Variants in NIPBL observed in about 807,000 individuals in gnomAD.
NIPBL encodes the protein NIPBL cohesin loading factor.
A neutral mutation model predicts 321.8 loss-of-function variants in NIPBL; 19 were observed. The ratio of observed to expected loss-of-function variants is 0.06; its 90% confidence interval spans 0.04 to 0.09. The LOEUF (loss-of-function observed/expected upper bound fraction) is 0.09, where lower values mean the gene tolerates loss of function less well. Among genes scored for constraint, NIPBL ranks in the 10% least tolerant of loss-of-function variants. The pLI is 1.00. For synonymous variants in NIPBL, 1,106 were observed against 1,114.1 expected (o/e 0.99, Z 0.14); for missense variants, 2,210 against 3,327.0 (o/e 0.66, Z 8.26).
chr5:37,005,374 T>C (rs1747309025), intron 16 of NIPBL, among the ~76,000 whole-genome samples: 1 of 152,166 alleles, frequency 6.6e-6, no homozygotes. Flanking sequence ...GAAATTGTGA[T>C]AATCATCATC....
At chr5:37,028,011 G>GA (rs1750506905) in intron 32 of NIPBL, among the ~76,000 whole-genome samples, 1 of 151,820 alleles carries the variant, frequency 6.6e-6, no homozygotes, top group Admixed American at 6.6e-5. Flanking sequence ...TTTAATCTCT[G>GA]TGATTAATAG....
chr5:36,895,729 A>T (rs1746681700), intron 1 of NIPBL, among the ~76,000 whole-genome samples: 1 of 152,114 alleles, frequency 6.6e-6, no homozygotes, highest in Admixed American at 6.5e-5. Context: ...ACACCTTTTT[A>T]TGTGCTTATT....
intron 17 of NIPBL, 54 bp downstream of exon 17, chr5:37,006,642 C>A: frequency 8.9e-7 from 1 of 1,122,146 alleles, no homozygotes; most frequent in South Asian, 1.4e-5. Context: ...TTAGATGAGT[C>A]AAAATAGGAC....
intron 1 of NIPBL, among the ~76,000 whole-genome samples, chr5:36,935,958 C>T (rs1738373239): frequency 6.6e-6 from 1 of 152,086 alleles, no homozygotes; most frequent in Admixed American, 6.6e-5. Flanking sequence ...TAGGGACCAT[C>T]CAAAATGATC....
Position 37,048,584 on chromosome 5 carries a change from C to G in NIPBL, c.6672C>G (p.Asn2224Lys). Residue 2224 changes from asparagine (N) to lysine (K), a missense_variant, in exon 39 of 47, where the codon AAC becomes AAG. Around this residue, in one of 14 missense-constraint regions of NIPBL, gnomAD observed 40 missense variants for 55.3 expected, o/e 0.72. Coordinates refer to ENST00000282516, the MANE Select transcript of NIPBL (RefSeq NM_133433.4). Reference sequence around the variant, plus strand: ...ATAATAATATTTTATCTGATAAGAACTCCTCAGTCAATTTAAAAATACAAG... The same window carrying G: ...ATAATAATATTTTATCTGATAAGAAGTCCTCAGTCAATTTAAAAATACAAG... ...NLYNNILSDK[N>K]SSVNLKIQVL... The G allele has an allele frequency of 6.3e-7, 1 of 1,596,936 alleles. No individual in the cohort carries two copies. The highest frequency in any genetic ancestry group is 8.6e-7 in the Non-Finnish European group (1 of 1,167,416).
At chr5:37,025,648 A>T (rs1249335126) in intron 30 of NIPBL, among the ~76,000 whole-genome samples, 1 of 152,214 alleles carries the variant, frequency 6.6e-6, no homozygotes, top group East Asian at 1.9e-4. Context: ...ATTTAAAAAT[A>T]ACTAGAAGAA....
At chr5:37,060,693 T>G in intron 44 of NIPBL, 151 bp from the exon 45 acceptor site, 1 of 685,176 alleles carries the variant, frequency 1.5e-6, no homozygotes, top group South Asian at 2.0e-5. Context: ...ATTAAGTAAT[T>G]GTATTGAAGC....
intron 1 of NIPBL, among the ~76,000 whole-genome samples, chr5:36,888,098 T>C (rs1033408215): frequency 6.6e-6 from 1 of 152,180 alleles, no homozygotes; most frequent in African/African-American, 2.4e-5. Context: ...TGAGAGGTCC[T>C]GAACATACAG....
At chr5:37,035,343 G>T (rs748602366) in intron 32 of NIPBL, among the ~76,000 whole-genome samples, 13 of 152,270 alleles carry the variant, frequency 8.5e-5, no homozygotes, top group Middle Eastern at 3.4e-3. Flanking sequence ...AAGAATTTGC[G>T]GTTCATAGTT....
Position 37,036,367 on chromosome 5 carries a change from A to G in NIPBL, c.5863-12A>G, listed in dbSNP as rs928588953. On this transcript the variant is annotated splice_polypyrimidine_tract_variant and intron_variant, in intron 32 of 46. Coordinates refer to ENST00000282516, the MANE Select transcript of NIPBL (RefSeq NM_133433.4). ...TATATGTATATATATATATATATATATGTATATATAGTTGTTGAAGTCCGA... is the reference window on the plus strand; with the variant it reads ...TATATGTATATATATATATATATATGTGTATATATAGTTGTTGAAGTCCGA... 13 of 615,832 alleles carry G rather than the reference A, an allele frequency of 2.1e-5. No individual in the cohort carries two copies. The highest frequency in any genetic ancestry group is 4.8e-5 in the East Asian group (1 of 20,726). The allele number at this position is 615,832 out of a possible 1,614,324, so 38.1% of individuals were successfully genotyped here. A position where few individuals can be genotyped will look rare whatever the true frequency, so the allele number is the denominator to read the frequency against.
chr5:36,955,072 G>C (rs1311535536), intron 2 of NIPBL: 1 of 175,368 alleles, frequency 5.7e-6, no homozygotes, highest in Non-Finnish European at 1.2e-5. Context: ...ACTTTATGAA[G>C]AGTCAGATAT....
chr5:36,889,036 C>A (rs1343805591), intron 1 of NIPBL, among the ~76,000 whole-genome samples: 1 of 152,012 alleles, frequency 6.6e-6, no homozygotes, highest in African/African-American at 2.4e-5. Context: ...GTGGCTTGCA[C>A]ATAGTAAGCA....
chr5:36,999,008 A>G (rs1001459068), intron 11 of NIPBL, among the ~76,000 whole-genome samples: 10 of 152,318 alleles, frequency 6.6e-5, no homozygotes, highest in African/African-American at 2.4e-4. Flanking sequence ...AGAAGAGGAA[A>G]CAAAATGACC....
chr5:37,044,224 C>A, intron 34 of NIPBL, 123 bp from the exon 35 acceptor site: 2 of 776,046 alleles, frequency 2.6e-6, no homozygotes, highest in South Asian at 1.9e-5. Context: ...CTCTAACAGA[C>A]TTTTTTTTTT....
chr5:36,976,748 A>C (rs1580374470), intron 9 of NIPBL, among the ~76,000 whole-genome samples: 1 of 152,066 alleles, frequency 6.6e-6, no homozygotes, highest in Non-Finnish European at 1.5e-5. Context: ...TGCACCTTCA[A>C]ATTTTTTTCT....
At chr5:36,914,195 A>C (rs973391608) in intron 1 of NIPBL, among the ~76,000 whole-genome samples, 2 of 152,246 alleles carry the variant, frequency 1.3e-5, no homozygotes, top group African/African-American at 2.4e-5. Flanking sequence ...AACCAGAACT[A>C]GTTACCTTAC....
intron 1 of NIPBL, among the ~76,000 whole-genome samples, chr5:36,940,898 G>A (rs1695452305): frequency 6.6e-6 from 1 of 152,066 alleles, no homozygotes; most frequent in African/African-American, 2.4e-5. Context: ...TACTGTTATG[G>A]AATTTATCAC....
chr5:37,020,493 G>T lies in NIPBL; in HGVS notation c.5045G>T (p.Arg1682Leu). Residue 1682 changes from arginine to leucine, a missense_variant, in exon 26 of 47, where the codon CGA becomes CTA. Transcript: ENST00000282516. ...AAATTCTATATAGCCCAGTGGTTTC[G>T]AGACACAACTCTGGAAACAGAAAAA... The part of the protein sequence containing the change: ...SRKFYIAQWF[R>L]DTTLETEKAM... 1 of 1,613,630 alleles carries T rather than the reference G, an allele frequency of 6.2e-7. No individual in the cohort carries two copies. The highest frequency in any genetic ancestry group is 1.1e-5 in the South Asian group (1 of 91,052).
intron 42 of NIPBL, among the ~76,000 whole-genome samples, chr5:37,055,356 T>TA (rs57488198): frequency 0.087 from 7,354 of 84,592 alleles, 572 homozygotes; most frequent in African/African-American, 0.19. Context: ...ATCTCAACAG[T>TA]AAAAAAAAAA....
Sources: allele counts gnomAD v4.1 joint callset (sites outside exome capture counted in the v4.1 genomes callset), GRCh38; gene constraint gnomAD v4.1.1; regional missense constraint gnomAD v4.1.1; transcripts MANE v1.5; gene names NCBI Gene and HGNC (gene_info 2026-07-23, HGNC 2026-07-21).